Variants in TRNT1 observed in about 807,000 individuals in gnomAD.
TRNT1 encodes the protein CCA tRNA nucleotidyltransferase 1, mitochondrial.
In TRNT1, 44 loss-of-function variants were observed where a neutral mutation model predicts 45.6. The ratio of observed to expected loss-of-function variants is 0.97; its 90% CI spans 0.76 to 1.24. The LOEUF (loss-of-function observed/expected upper bound fraction) is 1.24, where lower values mean the gene tolerates loss of function less well. Ranked by LOEUF, TRNT1 falls within the 50% of genes most tolerant of loss-of-function variation. The pLI, the probability that TRNT1 is intolerant of heterozygous loss-of-function variation, is 0.00. For missense variants in TRNT1, 633 were observed against 504.4 expected (o/e 1.25, Z -2.44); for synonymous variants, 201 against 171.4 (o/e 1.17, Z -1.35).
chr3:3,130,105 C>A, intron 2 of TRNT1: 1 of 771,864 alleles, frequency 1.3e-6, no homozygotes, highest in Middle Eastern at 3.2e-4. Flanking sequence ...GCTAAAGCAG[C>A]CACACAGTAG....
At chr3:3,133,291 C>T (rs953198445) in intron 2 of TRNT1, among the ~76,000 whole-genome samples, 13 of 152,036 alleles carry the variant, frequency 8.6e-5, no homozygotes, top group Admixed American at 5.2e-4. Context: ...GTAGCTCATG[C>T]CTATAATCTC....
downstream of TRNT1, chr3:3,152,727 G>A: frequency 9.8e-7 from 1 of 1,023,858 alleles, no homozygotes; most frequent in South Asian, 1.4e-5. Flanking sequence ...TATAATACCA[G>A]GATCTTAGTA....
At chr3:3,129,235 G>C (rs775531604) in intron 2 of TRNT1, 47 bp downstream of exon 2, 3 of 1,515,952 alleles carry the variant, frequency 2.0e-6, no homozygotes, top group Non-Finnish European at 1.8e-6. Context: ...TATATAAATG[G>C]AGAAGTAGAG....
chr3:3,129,557 G>A (rs1575036517), intron 2 of TRNT1: 4 of 430,328 alleles, frequency 9.3e-6, no homozygotes, highest in South Asian at 8.7e-5. Flanking sequence ...ACTCTAGCCT[G>A]GGCAACAGAG....
chr3:3,148,213 T>TA lies in TRNT1; in HGVS notation c.*59_*60insA. ...GTAAGACTAAATTTTCTCCCCTCCCTCTTAATGAGGTTTTAGAGACTACAC... is the reference window on the plus strand; with the variant it reads ...GTAAGACTAAATTTTCTCCCCTCCCTACTTAATGAGGTTTTAGAGACTACAC... On this transcript the variant is annotated 3_prime_UTR_variant, in exon 8 of 8. Coordinates refer to ENST00000251607, the MANE Select transcript of TRNT1 (RefSeq NM_182916.3). 1 of 1,573,294 alleles carries TA rather than the reference T, an allele frequency of 6.4e-7. No homozygotes were observed. Among genetic ancestry groups the TA allele is most frequent in the South Asian group, 1.2e-5 (1 of 83,256 alleles).
At chr3:3,136,336 T>C (rs1004116658) in intron 2 of TRNT1, among the ~76,000 whole-genome samples, 2 of 152,186 alleles carry the variant, frequency 1.3e-5, no homozygotes, top group African/African-American at 4.8e-5. Flanking sequence ...GATATAGTTA[T>C]AGTGGATTTT....
At chr3:3,132,496 C>T (rs1269773728) in intron 2 of TRNT1, among the ~76,000 whole-genome samples, 1 of 34,554 alleles carries the variant, frequency 2.9e-5, no homozygotes, top group African/African-American at 7.6e-5. Flanking sequence ...ATCACATGGA[C>T]ACAGGAAGGG....
chr3:3,143,405 T>C (rs1705782919), intron 4 of TRNT1, among the ~76,000 whole-genome samples: 1 of 152,224 alleles, frequency 6.6e-6, no homozygotes, highest in Non-Finnish European at 1.5e-5. Flanking sequence ...CATTTGTTTA[T>C]TACCATTTTT....
At chr3:3,128,138 C>G (rs1704719352) in intron 1 of TRNT1, 1 of 152,148 alleles carries the variant, frequency 6.6e-6, no homozygotes, top group Admixed American at 6.5e-5. Context: ...TTTACTTAAT[C>G]TAAATGGGTC....
chr3:3,143,675 C>T (rs1216134216), intron 4 of TRNT1, among the ~76,000 whole-genome samples: 6 of 149,826 alleles, frequency 4.0e-5, no homozygotes, highest in African/African-American at 1.5e-4. Flanking sequence ...GTCAGGAGTT[C>T]GAGACCAGCC....
At position 3,148,192 on chromosome 3, in the gene TRNT1, G is replaced by A; in HGVS notation, c.*38G>A. ...CTAAAAAGCAGAGCATTTCTGGTAA[G>A]ACTAAATTTTCTCCCCTCCCTCTTA... On this transcript the variant is annotated 3_prime_UTR_variant, in exon 8 of 8. Coordinates refer to ENST00000251607, the MANE Select transcript of TRNT1 (RefSeq NM_182916.3). 1.9e-6 allele frequency: 3 copies of A among 1,594,940 alleles called. No homozygotes were observed. The highest frequency in any genetic ancestry group is 2.6e-6 in the Non-Finnish European group (3 of 1,172,216).
chr3:3,144,742 T>A, intron 5 of TRNT1, 32 bp downstream of exon 5: 1 of 1,484,428 alleles, frequency 6.7e-7, no homozygotes, highest in Non-Finnish European at 9.1e-7. Context: ...AAATGATAGT[T>A]TTAATATCAT....
intron 1 of TRNT1, chr3:3,128,051 GATCTA>G (rs1704712101): frequency 6.6e-6 from 1 of 152,190 alleles, no homozygotes; most frequent in Non-Finnish European, 1.5e-5. Flanking sequence ...AGTGTGCATT[GATCTA>G]AAGATACAAG....
At chr3:3,138,612 A>G (rs986961813) in intron 3 of TRNT1, among the ~76,000 whole-genome samples, 3 of 151,902 alleles carry the variant, frequency 2.0e-5, no homozygotes, top group African/African-American at 7.3e-5. Context: ...CTGACCTTCT[A>G]GTTTTATCTT....
intron 1 of TRNT1, chr3:3,127,602 G>A (rs1281705783): frequency 6.6e-6 from 1 of 152,512 alleles, no homozygotes; most frequent in Non-Finnish European, 1.5e-5. Context: ...TCAGGAAAAT[G>A]GGGGCAGCAA....
chr3:3,133,600 G>T (rs1705148501), intron 2 of TRNT1, among the ~76,000 whole-genome samples: 1 of 152,022 alleles, frequency 6.6e-6, no homozygotes, highest in Non-Finnish European at 1.5e-5. Context: ...TAGAGATGAG[G>T]CTGAAGTTCC....
intron 2 of TRNT1, among the ~76,000 whole-genome samples, chr3:3,132,858 T>A (rs1165963884): frequency 6.6e-6 from 1 of 152,060 alleles, no homozygotes; most frequent in East Asian, 1.9e-4. Context: ...GTCCTGTCCT[T>A]GAAGGACTGG....
Position 3,148,581 on chromosome 3 carries a change from T to C in TRNT1, c.*427T>C, listed in dbSNP as rs1292311383. ...TATGATGTGTCAGTTCTTATCTGAA[T>C]TCCAAAATAAACCTGTGCTTAAAAA... is the stretch of plus-strand genomic sequence containing the variant. On this transcript the variant is annotated 3_prime_UTR_variant, in exon 8 of 8. Coordinates refer to ENST00000251607, the MANE Select transcript of TRNT1 (RefSeq NM_182916.3). 6.5e-6 allele frequency: 1 copy of C among 153,146 alleles called. No individual in the cohort carries two copies. The highest frequency in any genetic ancestry group is 2.4e-5 in the African/African-American group (1 of 41,470). 9.5% of individuals were successfully genotyped at this position (153,146 alleles called of 1,614,324 possible).
intron 4 of TRNT1, 86 bp from the exon 5 acceptor site, chr3:3,144,498 T>C: frequency 7.6e-7 from 1 of 1,309,432 alleles, no homozygotes; most frequent in Non-Finnish European, 1.1e-6. Context: ...TTTTTACTGT[T>C]TGTGATAGTG....
Sources: allele counts gnomAD v4.1 joint callset (sites outside exome capture counted in the v4.1 genomes callset), GRCh38; gene constraint gnomAD v4.1.1; transcripts MANE v1.5; gene names NCBI Gene and HGNC (gene_info 2026-07-23, HGNC 2026-07-21).